COLEC12: variants seen among roughly 807,000 people sequenced by gnomAD.
The protein encoded by COLEC12 is collectin subfamily member 12, also known as collectin-12.
A neutral mutation model predicts 71.1 loss-of-function variants in COLEC12; 33 were observed. The observed-to-expected ratio is 0.46, with a 90% confidence interval of 0.35 to 0.62. The LOEUF is 0.62. Ranked by LOEUF, COLEC12 falls within the 20% of genes least tolerant of loss-of-function variation. COLEC12 has a pLI of 0.00. For synonymous variants in COLEC12, 350 were observed against 353.0 expected (o/e 0.99, Z 0.10); for missense variants, 765 against 916.1 (o/e 0.84, Z 2.13).
intron 2 of COLEC12, among the ~76,000 whole-genome samples, chr18:400,887 T>C (rs1335235361): frequency 6.6e-6 from 1 of 152,226 alleles, no homozygotes; most frequent in East Asian, 1.9e-4. Flanking sequence ...TGTGTGTGTG[T>C]GTTTTAAGAA....
At chr18:481,934 G>T (rs1917425476) in intron 1 of COLEC12, among the ~76,000 whole-genome samples, 1 of 151,648 alleles carries the variant, frequency 6.6e-6, no homozygotes, top group African/African-American at 2.4e-5. Flanking sequence ...TTTTATTTTA[G>T]GTTCCGGGGG....
intron 2 of COLEC12, among the ~76,000 whole-genome samples, chr18:479,451 G>A (rs769516104): frequency 1.3e-4 from 20 of 152,118 alleles, no homozygotes; most frequent in Non-Finnish European, 1.0e-4. Flanking sequence ...CAGAGCAGCT[G>A]GGGGTTGTTA....
chr18:498,329 T>C (rs1189489499), intron 1 of COLEC12, among the ~76,000 whole-genome samples: 12 of 148,782 alleles, frequency 8.1e-5, no homozygotes, highest in East Asian at 8.1e-4. Flanking sequence ...GTGGTAATAA[T>C]TGGTAGGCAA....
chr18:417,826 T>C (rs747771677), intron 2 of COLEC12, among the ~76,000 whole-genome samples: 1 of 151,826 alleles, frequency 6.6e-6, no homozygotes. Context: ...ACGGACAAAA[T>C]TGGAACTGTC....
At chr18:444,509 A>G (rs1039596096) in intron 2 of COLEC12, among the ~76,000 whole-genome samples, 13 of 152,348 alleles carry the variant, frequency 8.5e-5, no homozygotes, top group African/African-American at 3.1e-4. Context: ...TCACATTTCA[A>G]TGTAAAATAT....
chr18:401,301 T>C (rs1915681319), intron 2 of COLEC12, among the ~76,000 whole-genome samples: 1 of 152,254 alleles, frequency 6.6e-6, no homozygotes, highest in African/African-American at 2.4e-5. Context: ...ATTTGCATTA[T>C]AGTTCTTCAG....
intron 1 of COLEC12, among the ~76,000 whole-genome samples, chr18:498,828 A>G (rs1917763836): frequency 6.6e-6 from 1 of 152,184 alleles, no homozygotes; most frequent in Non-Finnish European, 1.5e-5. Flanking sequence ...AATGCAGCAT[A>G]AATCTCTCCA....
intron 2 of COLEC12, among the ~76,000 whole-genome samples, chr18:430,677 C>T (rs958372059): frequency 6.6e-6 from 1 of 152,250 alleles, no homozygotes; most frequent in African/African-American, 2.4e-5. Context: ...TTATTTTCAA[C>T]CTACTTTTCT....
At chr18:432,021 C>T (rs926869336) in intron 2 of COLEC12, among the ~76,000 whole-genome samples, 4 of 152,110 alleles carry the variant, frequency 2.6e-5, no homozygotes, top group African/African-American at 9.7e-5. Context: ...TACTAAAATC[C>T]AACCCAAGAA....
At chr18:394,525 A>G (rs1053192322) in intron 2 of COLEC12, among the ~76,000 whole-genome samples, 1 of 152,256 alleles carries the variant, frequency 6.6e-6, no homozygotes, top group African/African-American at 2.4e-5. Context: ...AACATATTCG[A>G]AAGACATTGC....
intron 2 of COLEC12, among the ~76,000 whole-genome samples, chr18:460,040 G>GA (rs559930142): frequency 1.2e-3 from 160 of 138,348 alleles, no homozygotes; most frequent in African/African-American, 4.3e-3. Flanking sequence ...CTCATCAGAG[G>GA]AAAAAAAAGG....
intron 3 of COLEC12, among the ~76,000 whole-genome samples, chr18:348,827 T>A (rs1041090040): frequency 6.6e-6 from 1 of 152,164 alleles, no homozygotes; most frequent in Non-Finnish European, 1.5e-5. Flanking sequence ...TTGGTAGTAT[T>A]TTCTTGATTG....
chr18:323,284 A>C (rs1188997377), intron 8 of COLEC12, among the ~76,000 whole-genome samples: 1 of 152,180 alleles, frequency 6.6e-6, no homozygotes, highest in Non-Finnish European at 1.5e-5. Flanking sequence ...TAGTGATGAA[A>C]GAGAATTCAG....
chr18:412,060 T>C (rs1239155550), intron 2 of COLEC12, among the ~76,000 whole-genome samples: 2 of 151,958 alleles, frequency 1.3e-5, no homozygotes, highest in Non-Finnish European at 2.9e-5. Context: ...GAAGAAAAAA[T>C]GGCTGAACAC....
intron 2 of COLEC12, among the ~76,000 whole-genome samples, chr18:386,352 A>G (rs1915345670): frequency 6.6e-6 from 1 of 152,210 alleles, no homozygotes; most frequent in African/African-American, 2.4e-5. Context: ...TTGGAACCCT[A>G]GAATGATAAT....
Position 480,515 on chromosome 18 carries a change from T to A in COLEC12, c.58+192A>T, listed in dbSNP as rs1917392813. The stretch of plus-strand genomic sequence containing the variant: ...ATGCCTGGGTGCAGCTCCTGTCCCA[T>A]GGCCCCTCAGAATTGTGAGAAACCC... On this transcript the variant is annotated intron_variant, in intron 2 of 9. Coordinates refer to ENST00000400256, the MANE Select transcript of COLEC12 (RefSeq NM_130386.3). This position sits in a 1 kb window ranked among gnomAD's most constrained non-coding sequence, Gnocchi z 4.1. 6.6e-6 allele frequency among the ~76,000 whole-genome samples: 1 copy of A among 152,086 alleles called. No homozygotes were observed. Among genetic ancestry groups the A allele is most frequent in the Non-Finnish European group, 1.5e-5 (1 of 68,010 alleles).
intron 2 of COLEC12, among the ~76,000 whole-genome samples, chr18:358,501 C>A (rs939060145): frequency 6.6e-6 from 1 of 152,158 alleles, no homozygotes; most frequent in Non-Finnish European, 1.5e-5. Context: ...GAGCGCACAA[C>A]CTAGATCCCT....
chr18:367,026 C>T (rs1189858512), intron 2 of COLEC12, among the ~76,000 whole-genome samples: 1 of 152,212 alleles, frequency 6.6e-6, no homozygotes, highest in Non-Finnish European at 1.5e-5. Context: ...CAGACCCCTG[C>T]CCAGACTGAA....
intron 2 of COLEC12, among the ~76,000 whole-genome samples, chr18:433,926 T>G (rs180777924): frequency 2.7e-4 from 39 of 142,182 alleles, no homozygotes; most frequent in Admixed American, 3.7e-4. Flanking sequence ...AATGCACCAC[T>G]GCACCCCAGC....
Sources: allele counts gnomAD v4.1 joint callset (sites outside exome capture counted in the v4.1 genomes callset), GRCh38; gene constraint gnomAD v4.1.1; non-coding constraint Gnocchi (gnomAD v3.1); transcripts MANE v1.5; gene names NCBI Gene and HGNC (gene_info 2026-07-23, HGNC 2026-07-21).